Variants in ZNRF1 observed in about 807,000 individuals in gnomAD.
ZNRF1 encodes the protein zinc and ring finger 1, also known as E3 ubiquitin-protein ligase ZNRF1.
ZNRF1 carries 3 observed loss-of-function variants against 18.4 expected under a neutral mutation model. The ratio of observed to expected loss-of-function variants is 0.16; its 90% CI spans 0.07 to 0.42. ZNRF1 has a LOEUF of 0.42. Ranked by LOEUF, ZNRF1 falls within the 10% of genes least tolerant of loss-of-function variation. The pLI is 0.99. For missense variants in ZNRF1, 310 were observed against 329.8 expected, an observed-to-expected ratio of 0.94 and a Z score of 0.47; for synonymous variants, 157 against 144.2, an observed-to-expected ratio of 1.09 and a Z score of -0.64.
At chr16:75,096,324 A>C (rs530939931) in intron 2 of ZNRF1, among the ~76,000 whole-genome samples, 46 of 152,170 alleles carry the variant, frequency 3.0e-4, no homozygotes, top group African/African-American at 1.1e-3. Context: ...TAAACCTTCC[A>C]GGTAAGAGGA....
Position 74,999,997 on chromosome 16 carries a change from G to T in ZNRF1, c.326G>T (p.Gly109Val). The T allele has an allele frequency of 6.3e-7, 1 of 1,587,940 alleles. No individual in the cohort carries two copies. The highest frequency in any genetic ancestry group is 8.6e-7 in the Non-Finnish European group (1 of 1,168,264). ...HGNGYQETGG[G>V]HHRDGMLYLG... Reference sequence around the variant, plus strand: ...AATGGTTACCAGGAGACGGGCGGCGGTCACCATAGAGACGGGATGCTGTAC... The same window carrying T: ...AATGGTTACCAGGAGACGGGCGGCGTTCACCATAGAGACGGGATGCTGTAC... Residue 109 changes from glycine to valine, a missense_variant, in exon 1 of 5, where the codon GGT becomes GTT. Gly to Val is a moderately radical substitution (Grantham distance 109). This residue lies in a region of ZNRF1 where 293 missense variants were observed against 291.2 expected (regional missense o/e 1.01). Coordinates refer to ENST00000335325, the MANE Select transcript of ZNRF1 (RefSeq NM_032268.5).
intron 1 of ZNRF1, among the ~76,000 whole-genome samples, chr16:75,054,249 C>T (rs1203027961): frequency 6.6e-6 from 1 of 152,220 alleles, no homozygotes; most frequent in Non-Finnish European, 1.5e-5. Context: ...AGTGCAGTTC[C>T]TGGCTTCAGC....
intron 1 of ZNRF1, among the ~76,000 whole-genome samples, chr16:75,065,887 G>A (rs1751651896): frequency 6.6e-6 from 1 of 152,168 alleles, no homozygotes; most frequent in South Asian, 2.1e-4. Flanking sequence ...AGGACTGTTA[G>A]AAAGTCCTGT....
chr16:75,093,645 C>T lies in ZNRF1; in HGVS notation c.498C>T (p.Ser166=), dbSNP rs1264169115. The change falls in exon 2 of 5, where the codon AGC becomes AGT. Residue 166 remains serine, a synonymous_variant. Coordinates refer to ENST00000335325, the MANE Select transcript of ZNRF1 (RefSeq NM_032268.5). ...EMEMHFIMCL[S]KPRLSYNDDV... ...AAATGCACTTTATAATGTGTTTGAG[C>T]AAACCTCGCCTCTCCTACAACGGTA... The T allele has an allele frequency of 6.2e-7, 1 of 1,613,968 alleles. No individual in the cohort carries two copies. The highest frequency in any genetic ancestry group is 2.2e-5 in the East Asian group (1 of 44,886).
chr16:75,060,403 A>G (rs1186648629), intron 1 of ZNRF1, among the ~76,000 whole-genome samples: 1 of 151,326 alleles, frequency 6.6e-6, no homozygotes, highest in East Asian at 2.0e-4. Context: ...GGAGCAGGGA[A>G]ATATATCCTA....
chr16:75,091,910 C>T (rs891215449), intron 1 of ZNRF1, among the ~76,000 whole-genome samples: 8 of 152,196 alleles, frequency 5.3e-5, no homozygotes, highest in Admixed American at 2.0e-4. Context: ...TTACCAATAA[C>T]ATAAACAGTC....
chr16:75,096,059 CACGTGTGTGT>C lies in ZNRF1; in HGVS notation c.520+2393_520+2402del, dbSNP rs1372457601. 1.3e-3 allele frequency among the ~76,000 whole-genome samples: 78 copies of C among 61,830 alleles called. 1 individual carries two copies. Among genetic ancestry groups the C allele is most frequent in the African/African-American group, 3.4e-3 (66 of 19,338 alleles). 40.6% of individuals were successfully genotyped at this position (61,830 alleles called of 152,430 possible). A position where few individuals can be genotyped will look rare whatever the true frequency, so the allele number is the denominator to read the frequency against. ...GGGTGCATGTGTTTCTGTATGTGTG[CACGTGTGTGT>C]GTGTGTGTGTGTGTGTGTGTGTGTG... On this transcript the variant is annotated intron_variant, in intron 2 of 4. Transcript: ENST00000335325.
intron 1 of ZNRF1, among the ~76,000 whole-genome samples, chr16:75,029,801 G>A (rs2035276553): frequency 6.6e-6 from 1 of 151,392 alleles, no homozygotes; most frequent in South Asian, 2.1e-4. Flanking sequence ...ATTGAGGCTG[G>A]GTGTGGGCTG....
At chr16:75,049,930 A>G (rs925695349) in intron 1 of ZNRF1, among the ~76,000 whole-genome samples, 1 of 151,754 alleles carries the variant, frequency 6.6e-6, no homozygotes, top group Non-Finnish European at 1.5e-5. Flanking sequence ...AATCAAGATA[A>G]CTGTTCCACT....
rs1597871895 is a variant in ZNRF1, at chr16:75,036,358, T to C, written c.424+36263T>C. Among the ~76,000 whole-genome samples, 4 of 152,302 alleles carry C rather than the reference T, an allele frequency of 2.6e-5. No homozygotes were observed. In the South Asian group the frequency reaches 8.3e-4, roughly 32 times the overall value. On this transcript the variant is annotated intron_variant, in intron 1 of 4. Transcript: ENST00000335325. ...GTTAGCCAGGCTGGTCTTGAACTCCTGAACCTCAAGTGATTTCCTGTCTCA... is the reference window on the plus strand; with the variant it reads ...GTTAGCCAGGCTGGTCTTGAACTCCCGAACCTCAAGTGATTTCCTGTCTCA...
At chr16:75,036,742 G>C (rs375636133) in intron 1 of ZNRF1, among the ~76,000 whole-genome samples, 1 of 151,858 alleles carries the variant, frequency 6.6e-6, no homozygotes, top group African/African-American at 2.4e-5. Context: ...GTGATAACTG[G>C]GTAAAGATTT....
At chr16:75,093,532 A>T (rs1278389544) in intron 1 of ZNRF1, 40 bp from the exon 2 acceptor site, 3 of 1,513,780 alleles carry the variant, frequency 2.0e-6, no homozygotes, top group Non-Finnish European at 2.8e-6. Context: ...GATGTACTGG[A>T]TCTGGAGAAA....
At chr16:75,059,229 CTTT>C (rs35291578) in intron 1 of ZNRF1, among the ~76,000 whole-genome samples, 36 of 92,916 alleles carry the variant, frequency 3.9e-4, no homozygotes, top group African/African-American at 1.1e-3. Flanking sequence ...TTCTTTCTTT[CTTT>C]TTTTTTTTTT....
intron 1 of ZNRF1, among the ~76,000 whole-genome samples, chr16:75,010,454 G>A (rs2034980137): frequency 6.6e-6 from 1 of 152,146 alleles, no homozygotes; most frequent in Admixed American, 6.5e-5. Context: ...TTAACGAATT[G>A]TCTCATGCCA....
intron 1 of ZNRF1, among the ~76,000 whole-genome samples, chr16:75,085,155 G>A (rs886232764): frequency 6.6e-6 from 1 of 152,066 alleles, no homozygotes; most frequent in East Asian, 1.9e-4. Context: ...GAACATTTTT[G>A]TCATCCCAGA....
chr16:75,025,168 T>C (rs1208265650), intron 1 of ZNRF1, among the ~76,000 whole-genome samples: 1 of 152,064 alleles, frequency 6.6e-6, no homozygotes, highest in Non-Finnish European at 1.5e-5. Context: ...CCCGGGTTCA[T>C]GCCATTCTCC....
intron 1 of ZNRF1, among the ~76,000 whole-genome samples, chr16:75,079,360 G>C (rs772513454): frequency 1.3e-5 from 2 of 152,172 alleles, no homozygotes; most frequent in Admixed American, 6.5e-5. Flanking sequence ...CACGCCTATA[G>C]TCCCAGCTAC....
chr16:75,093,666 C>A lies in ZNRF1; in HGVS notation c.519C>A (p.Asn173Lys), dbSNP rs147829838. 6.2e-7 allele frequency: 1 copy of A among 1,613,372 alleles called. No individual in the cohort carries two copies. The highest frequency in any genetic ancestry group is 8.5e-7 in the Non-Finnish European group (1 of 1,179,372). Residue 173 changes from asparagine to lysine, a missense_variant and splice_region_variant, in exon 2 of 5, where the codon AAC becomes AAA. This residue lies in a region of ZNRF1 where 293 missense variants were observed against 291.2 expected (regional missense o/e 1.01). Coordinates refer to ENST00000335325, the MANE Select transcript of ZNRF1 (RefSeq NM_032268.5). ...TGAGCAAACCTCGCCTCTCCTACAACGGTAAGGGCTTGGCCTGCCTCACCA... is the reference window on the plus strand; with the variant it reads ...TGAGCAAACCTCGCCTCTCCTACAAAGGTAAGGGCTTGGCCTGCCTCACCA... ...MCLSKPRLSYNDDVLTKDAGE... is the reference protein window; with the variant it reads ...MCLSKPRLSYKDDVLTKDAGE...
At chr16:75,036,188 A>T (rs1437020246) in intron 1 of ZNRF1, among the ~76,000 whole-genome samples, 1 of 152,142 alleles carries the variant, frequency 6.6e-6, no homozygotes, top group Non-Finnish European at 1.5e-5. Context: ...CTCCTACCTC[A>T]GCCTCCTGGG....
Sources: gnomAD v4.1 joint callset for allele counts (sites outside exome capture counted in the v4.1 genomes callset) on GRCh38, gnomAD v4.1.1 for gene constraint, gnomAD v4.1.1 regional missense constraint, MANE v1.5 for transcripts, NCBI Gene and HGNC (gene_info 2026-07-23, HGNC 2026-07-21) for gene names.